The following MANBA variants were observed in gnomAD, a reference collection of about 807,000 sequenced individuals.
MANBA encodes mannosidase beta.
Under a neutral mutation model 111.1 loss-of-function variants are expected in MANBA, and 83 were observed. The ratio of observed to expected loss-of-function variants is 0.75; its 90% CI spans 0.63 to 0.90. MANBA has a LOEUF of 0.90. MANBA is among the 40% of genes least tolerant of loss of function. MANBA has a pLI of 0.00. For synonymous variants in MANBA, 370 were observed against 378.7 expected (o/e 0.98, Z 0.27); for missense variants, 1,036 against 1,069.0 (o/e 0.97, Z 0.43).
chr4:102,736,344 G>T (rs978345344), intron 1 of MANBA, among the ~76,000 whole-genome samples: 2 of 152,128 alleles, frequency 1.3e-5, no homozygotes, highest in Non-Finnish European at 2.9e-5. Context: ...TATGTTTACT[G>T]TACATCAACA....
intron 1 of MANBA, among the ~76,000 whole-genome samples, chr4:102,750,735 A>G (rs909322533): frequency 3.3e-5 from 5 of 152,088 alleles, no homozygotes; most frequent in African/African-American, 9.7e-5. Context: ...CAACATAGGG[A>G]GACTCTGTCT....
intron 13 of MANBA, among the ~76,000 whole-genome samples, chr4:102,646,201 T>C (rs907503854): frequency 1.3e-5 from 2 of 152,118 alleles, no homozygotes; most frequent in African/African-American, 4.8e-5. Flanking sequence ...GGCTTGATTA[T>C]TAAATTACAT....
At chr4:102,645,550 T>C (rs1412323716) in intron 13 of MANBA, among the ~76,000 whole-genome samples, 1 of 152,092 alleles carries the variant, frequency 6.6e-6, no homozygotes, top group Non-Finnish European at 1.5e-5. Flanking sequence ...ACTAACTCAA[T>C]CTCCTTAGTT....
chr4:102,637,189 T>A (rs1729670647), intron 14 of MANBA, among the ~76,000 whole-genome samples: 1 of 152,206 alleles, frequency 6.6e-6, no homozygotes. Flanking sequence ...TATGTCTTCA[T>A]CAGCAGCATG....
At chr4:102,747,521 G>C (rs1004767692) in intron 1 of MANBA, among the ~76,000 whole-genome samples, 13 of 152,194 alleles carry the variant, frequency 8.5e-5, no homozygotes, top group Admixed American at 1.3e-4. Context: ...TTAGTACTTC[G>C]TATCTTTCAA....
At chr4:102,678,740 G>A (rs976546571) in intron 7 of MANBA, among the ~76,000 whole-genome samples, 1 of 152,138 alleles carries the variant, frequency 6.6e-6, no homozygotes, top group South Asian at 2.1e-4. Flanking sequence ...AAAAGTGCAG[G>A]ATAGTTGAAT....
At position 102,721,329 on chromosome 4, in the gene MANBA, C is replaced by CATAAATAA. The variant is rs57059616; in HGVS notation, c.549+1534_549+1541dup. Reference sequence around the variant, plus strand: ...ACAGAGCAAGACTCCATCTCAAATACATAAATAAATAAATAAATAAATAAA... The same window carrying CATAAATAA: ...ACAGAGCAAGACTCCATCTCAAATACATAAATAAATAAATAAATAAATAAATAAATAAA... On this transcript the variant is annotated intron_variant, in intron 4 of 16. Coordinates refer to ENST00000647097, the MANE Select transcript of MANBA (RefSeq NM_005908.4). Among the ~76,000 whole-genome samples the CATAAATAA allele has an allele frequency of 7.0e-3, 1,062 of 151,120 alleles. 14 individuals carry two copies. Among genetic ancestry groups the CATAAATAA allele is most frequent in the African/African-American group, 0.024 (968 of 40,886 alleles).
chr4:102,756,792 C>T (rs1416078113), intron 1 of MANBA, among the ~76,000 whole-genome samples: 1 of 102,086 alleles, frequency 9.8e-6, no homozygotes, highest in Non-Finnish European at 1.8e-5. Context: ...CATACAGAGA[C>T]TATCTAAAAA....
At chr4:102,744,348 T>G (rs1427945774) in intron 1 of MANBA, among the ~76,000 whole-genome samples, 1 of 152,240 alleles carries the variant, frequency 6.6e-6, no homozygotes, top group Non-Finnish European at 1.5e-5. Flanking sequence ...TTGGTACTTC[T>G]TGCTCACTGG....
intron 1 of MANBA, chr4:102,730,503 T>C: frequency 1.9e-6 from 1 of 529,986 alleles, no homozygotes; most frequent in South Asian, 1.4e-5. Flanking sequence ...TCCCTAACAG[T>C]AACAACATTG....
intron 11 of MANBA, 88 bp from the exon 12 acceptor site, chr4:102,657,988 C>T (rs1205545407): frequency 3.1e-6 from 3 of 975,026 alleles, no homozygotes; most frequent in Non-Finnish European, 4.9e-6. Context: ...ACTAACAAGT[C>T]CCTGAAATGC....
chr4:102,663,618 A>G (rs183967726), intron 11 of MANBA, among the ~76,000 whole-genome samples: 20 of 152,300 alleles, frequency 1.3e-4, no homozygotes, highest in Non-Finnish European at 2.5e-4. Flanking sequence ...TCTTCTATAA[A>G]TGGAATAGTG....
chr4:102,660,344 G>A (rs950909729), intron 11 of MANBA, among the ~76,000 whole-genome samples: 2 of 151,550 alleles, frequency 1.3e-5, no homozygotes, highest in African/African-American at 2.4e-5. Context: ...ATGACCTTGG[G>A]GACTTAATGA....
chr4:102,689,730 C>A, intron 6 of MANBA, 46 bp from the exon 7 acceptor site: 2 of 1,078,348 alleles, frequency 1.9e-6, no homozygotes, highest in Admixed American at 1.7e-5. Flanking sequence ...ATATTTTCAG[C>A]AAAAAAGGCT....
At chr4:102,635,468 A>T (rs1397692907) in intron 15 of MANBA, among the ~76,000 whole-genome samples, 1 of 152,180 alleles carries the variant, frequency 6.6e-6, no homozygotes, top group South Asian at 2.1e-4. Context: ...CGCATTCTGA[A>T]TAGTTTTACT....
At position 102,631,446 on chromosome 4, in the gene MANBA, T is replaced by C. The variant is rs183049465; in HGVS notation, c.*611A>G. On this transcript the variant is annotated 3_prime_UTR_variant, in exon 17 of 17. Transcript: ENST00000647097. Reference sequence around the variant, plus strand: ...GGGTCCAGCACAGTATTGGGCAAAATTGAATATTTATAGAACGGTTAAATA... The same window carrying C: ...GGGTCCAGCACAGTATTGGGCAAAACTGAATATTTATAGAACGGTTAAATA... 1.7e-4 allele frequency: 47 copies of C among 269,640 alleles called. No homozygotes were observed. The highest frequency in any genetic ancestry group is 9.6e-4 in the African/African-American group (44 of 45,760). 16.7% of individuals were successfully genotyped at this position (269,640 alleles called of 1,614,324 possible).
At chr4:102,668,539 A>C (rs1731331992) in intron 10 of MANBA, 1 of 197,702 alleles carries the variant, frequency 5.1e-6, no homozygotes, top group Non-Finnish European at 1.1e-5. Flanking sequence ...AAATCAAGGA[A>C]TCAATAATCA....
At chr4:102,689,709 T>C (rs1249897578) in intron 6 of MANBA, 25 bp from the exon 7 acceptor site, 1 of 1,340,222 alleles carries the variant, frequency 7.5e-7, no homozygotes, top group African/African-American at 1.4e-5. Flanking sequence ...TAAAAGTCAC[T>C]CTAATATGTC....
At chr4:102,734,552 G>A in intron 1 of MANBA, 1 of 1,608,328 alleles carries the variant, frequency 6.2e-7, no homozygotes, top group Non-Finnish European at 8.5e-7. Flanking sequence ...TGACGAGGAA[G>A]CCCAAGGCTA....
Sources: gnomAD v4.1 joint callset for allele counts (sites outside exome capture counted in the v4.1 genomes callset) on GRCh38, gnomAD v4.1.1 for gene constraint, MANE v1.5 for transcripts, NCBI Gene and HGNC (gene_info 2026-07-23, HGNC 2026-07-21) for gene names.